COG4: variants seen among roughly 807,000 people sequenced by gnomAD.
COG4 encodes conserved oligomeric Golgi complex subunit 4.
Under a neutral mutation model 95.1 loss-of-function variants are expected in COG4, and 65 were observed. That is an observed-to-expected ratio of 0.68 (90% confidence interval 0.56 to 0.84). The LOEUF (loss-of-function observed/expected upper bound fraction) is 0.84, where lower values mean the gene tolerates loss of function less well. Ranked by LOEUF, COG4 falls within the 40% of genes least tolerant of loss-of-function variation. The pLI is 0.00. For missense variants in COG4, 1,045 were observed against 989.1 expected (o/e 1.06, Z -0.76); for synonymous variants, 421 against 374.8 (o/e 1.12, Z -1.42).
In COG4 at chr16:70,503,837, G is replaced by A. The variant is rs567591203; in HGVS notation, c.1062-2746C>T. ...TCTCGATCTCCTGACCTCGTGATCC[G>A]CCCGCCTCGGCCTCCCAAAGTGCTG... On this transcript the variant is annotated intron_variant, in intron 8 of 18. Coordinates refer to ENST00000323786, the MANE Select transcript of COG4 (RefSeq NM_015386.3). Among the ~76,000 whole-genome samples the A allele has an allele frequency of 8.2e-5, 10 of 122,640 alleles. 3 individuals are homozygous for A. The highest frequency in any genetic ancestry group is 2.8e-4 in the African/African-American group (4 of 14,480). 80.5% of individuals were successfully genotyped at this position (122,640 alleles called of 152,430 possible).
Position 70,497,292 on chromosome 16 carries a change from C to A in COG4, c.1410G>T (p.Leu470=), listed in dbSNP as rs2049359112. 2 of 1,614,014 alleles carry A rather than the reference C, an allele frequency of 1.2e-6. No homozygotes were observed. The highest frequency in any genetic ancestry group is 1.7e-6 in the Non-Finnish European group (2 of 1,180,052). The change falls in exon 11 of 19, where the codon CTG becomes CTT. Residue 470 remains leucine (L), a synonymous_variant. Transcript: ENST00000323786. ...AGAGACAGTCAATGCTGGAGCTGGA[C>A]AGAGCCCGCCCAATGCACTTCTTAA... The part of the protein sequence containing the change: ...YIVKKCIGRA[L]SSSSIDCLCA...
chr16:70,518,976 T>G (rs1315488360), intron 2 of COG4, among the ~76,000 whole-genome samples: 2 of 131,728 alleles, frequency 1.5e-5, no homozygotes, highest in Non-Finnish European at 3.1e-5. Flanking sequence ...AAGCTCCATC[T>G]CAAAAAAAAA....
intron 8 of COG4, among the ~76,000 whole-genome samples, chr16:70,502,280 CAAAAAAAAAAAA>C (rs59805765): frequency 4.2e-4 from 8 of 19,112 alleles, no homozygotes; most frequent in Non-Finnish European, 8.1e-4. Flanking sequence ...GACTCCGTCT[CAAAAAAAAAAAA>C]AAAAAAAAAA....
intron 9 of COG4, 95 bp from the exon 10 acceptor site, chr16:70,498,150 T>A: frequency 1.3e-6 from 1 of 763,644 alleles, no homozygotes; most frequent in East Asian, 2.5e-5. Context: ...TAGTCTTTCT[T>A]TGAAATATGT....
chr16:70,523,445 G>A lies in COG4; in HGVS notation c.99C>T (p.Ser33=). 1 of 1,614,102 alleles carries A rather than the reference G, an allele frequency of 6.2e-7. No homozygotes were observed. Among genetic ancestry groups the A allele is most frequent in the South Asian group, 1.1e-5 (1 of 91,082 alleles). The change falls in exon 1 of 19, where the codon TCC becomes TCT. Residue 33 remains serine, a synonymous_variant. Transcript: ENST00000323786. The stretch of plus-strand genomic sequence containing the variant: ...CTGTCAGGGAGCGAATGAGCTCAGC[G>A]GAGATTTCGGAGCAGCGGCCACCTC... The part of the protein sequence containing the change: ...GVGGGRCSEI[S]AELIRSLTEL...
At chr16:70,491,542 A>AT (rs71151187) in intron 12 of COG4, among the ~76,000 whole-genome samples, 4 of 143,408 alleles carry the variant, frequency 2.8e-5, no homozygotes, top group Admixed American at 1.4e-4. Flanking sequence ...AAAAAAAAAA[A>AT]GCTGGGGCAG....
rs1188315876 is a variant in COG4, at chr16:70,481,873, C to G, written c.2005-8G>C. The G allele has an allele frequency of 6.2e-7, 1 of 1,611,878 alleles. No individual in the cohort carries two copies. Among genetic ancestry groups the G allele is most frequent in the Non-Finnish European group, 8.5e-7 (1 of 1,178,668 alleles). The stretch of plus-strand genomic sequence containing the variant: ...GACCGGGGACAGGCTGGCCTGCACA[C>G]AGAGGGTTGACATCAGCCGAGCCCC... On this transcript the variant is annotated splice_region_variant and splice_polypyrimidine_tract_variant and intron_variant, in intron 16 of 18. Coordinates refer to ENST00000323786, the MANE Select transcript of COG4 (RefSeq NM_015386.3).
intron 4 of COG4, among the ~76,000 whole-genome samples, chr16:70,512,701 C>T (rs957964659): frequency 1.4e-4 from 22 of 152,114 alleles, no homozygotes; most frequent in African/African-American, 4.1e-4. Context: ...TGCCAAAGTC[C>T]GGGCACGGTG....
chr16:70,513,575 T>A (rs2049756617), intron 4 of COG4, among the ~76,000 whole-genome samples: 1 of 152,170 alleles, frequency 6.6e-6, no homozygotes, highest in Admixed American at 6.5e-5. Context: ...TTAACAATAA[T>A]ATATAATAAG....
Position 70,482,119 on chromosome 16 carries a change from G to A in COG4, c.1977C>T (p.Asn659=). ...TGAACTCTGCCATTTGCTGCTCCAG[G>A]TTAAGGATGAACTGTTGTACCCAAG... is the stretch of plus-strand genomic sequence containing the variant. ...NDPWVQQFIL[N]LEQQMAEFKA... is the part of the protein sequence containing the mutation. The change falls in exon 16 of 19, where the codon AAC becomes AAT. Residue 659 remains asparagine (N), a synonymous_variant. Coordinates refer to ENST00000323786, the MANE Select transcript of COG4 (RefSeq NM_015386.3). 1.1e-5 allele frequency: 18 copies of A among 1,613,996 alleles called. No individual in the cohort carries two copies. Among genetic ancestry groups the A allele is most frequent in the Non-Finnish European group, 1.4e-5 (17 of 1,179,912 alleles).
In COG4 at chr16:70,496,324, T is replaced by C. The variant is rs1397758704; in HGVS notation, c.1589A>G (p.Gln530Arg). Residue 530 changes from glutamine (Q) to arginine (R), a missense_variant, in exon 12 of 19, where the codon CAA (glutamine) becomes CGA (arginine). Physicochemically the swap from Gln to Arg is conservative, Grantham distance 43 (BLOSUM62 1). Coordinates refer to ENST00000323786, the MANE Select transcript of COG4 (RefSeq NM_015386.3). ...GATGCCTTTTGTGTCAAATTTGCCT[T>C]GCTGGAGGCTGCTGTGCATGATGTT... ...AVNIMHSSLQ[Q>R]GKFDTKGIES... is the part of the protein sequence containing the mutation. 1.2e-6 allele frequency: 2 copies of C among 1,614,190 alleles called. No homozygotes were observed. Among genetic ancestry groups the C allele is most frequent in the Non-Finnish European group, 1.7e-6 (2 of 1,180,038 alleles).
At chr16:70,517,916 A>G (rs2049858321) in intron 2 of COG4, among the ~76,000 whole-genome samples, 176 bp from the exon 3 acceptor site, 1 of 151,534 alleles carries the variant, frequency 6.6e-6, no homozygotes, top group Non-Finnish European at 1.5e-5. Flanking sequence ...ACTCAGACCT[A>G]TACCTGATAA....
chr16:70,487,290 T>TA (rs200366818), intron 13 of COG4, among the ~76,000 whole-genome samples: 6 of 145,004 alleles, frequency 4.1e-5, no homozygotes, highest in African/African-American at 1.5e-4. Flanking sequence ...AATAAAAAAA[T>TA]AAAAATAAAA....
rs2151736844 is a variant in COG4 at position 70,481,378 on chromosome 16, G to A, written c.2216C>T (p.Thr739Ile). 6.2e-7 allele frequency: 1 copy of A among 1,613,278 alleles called. No homozygotes were observed. Among genetic ancestry groups the A allele is most frequent in the Non-Finnish European group, 8.5e-7 (1 of 1,179,978 alleles). The part of the protein sequence containing the change: ...DKFARLSQMA[T>I]ILNLERVTEI... ...ACCTACCCGCTCCAGATTGAGGATGGTGGCCATCTGGGAGAGCCGGGCAAA... is the reference window on the plus strand; with the variant it reads ...ACCTACCCGCTCCAGATTGAGGATGATGGCCATCTGGGAGAGCCGGGCAAA... Residue 739 changes from threonine to isoleucine, a missense_variant, in exon 18 of 19, where the codon ACC becomes ATC. Thr to Ile is a moderately conservative substitution (Grantham distance 89). Coordinates refer to ENST00000323786, the MANE Select transcript of COG4 (RefSeq NM_015386.3).
chr16:70,516,482 C>G (rs1455180929), intron 3 of COG4, among the ~76,000 whole-genome samples: 3 of 151,902 alleles, frequency 2.0e-5, no homozygotes, highest in Admixed American at 1.3e-4. Context: ...ATTTTTAGTA[C>G]AGATGGGGTT....
intron 3 of COG4, among the ~76,000 whole-genome samples, chr16:70,516,634 T>C (rs1340793726): frequency 6.6e-6 from 1 of 152,170 alleles, no homozygotes; most frequent in African/African-American, 2.4e-5. Flanking sequence ...TAAGAGCTAC[T>C]GGTCTGAAGT....
rs2049662821 is a variant in COG4 at position 70,509,916 on chromosome 16, C to T, written c.844G>A (p.Gly282Arg). ...FADTLTLLFE[G>R]IARIVETHQP... ...CTCTAGAGCGGAGAAAGAGGCTCAC[C>T]TTCAAACAGAAGAGTAAGTGTATCT... The change falls in exon 6 of 19, where the codon GGG becomes AGG. Residue 282 changes from glycine (G) to arginine (R), a missense_variant and splice_region_variant. Transcript: ENST00000323786. The T allele has an allele frequency of 6.2e-7, 1 of 1,612,332 alleles. No individual in the cohort carries two copies. The highest frequency in any genetic ancestry group is 1.7e-5 in the Admixed American group (1 of 59,972).
chr16:70,495,191 G>C (rs916241948), intron 12 of COG4, among the ~76,000 whole-genome samples: 1 of 147,306 alleles, frequency 6.8e-6, no homozygotes, highest in African/African-American at 2.5e-5. Flanking sequence ...AGAAGTTCGA[G>C]ACCAGCCTGG....
intron 11 of COG4, 152 bp downstream of exon 11, chr16:70,497,069 C>T: frequency 1.2e-6 from 1 of 808,744 alleles, no homozygotes; most frequent in South Asian, 1.6e-5. Context: ...CAACAGCTTC[C>T]TGGAGCCAAG....
Sources: gnomAD v4.1 joint callset for allele counts (sites outside exome capture counted in the v4.1 genomes callset) on GRCh38, gnomAD v4.1.1 for gene constraint, MANE v1.5 for transcripts, NCBI Gene and HGNC (gene_info 2026-07-23, HGNC 2026-07-21) for gene names.